ZNF737: variants seen among roughly 807,000 people sequenced by gnomAD.
ZNF737 encodes the protein zinc finger protein 102 (Y3).
In ZNF737, 13 loss-of-function variants were observed where a neutral mutation model predicts 11.7. That is an observed-to-expected ratio of 1.11 (90% CI 0.73 to 1.77). ZNF737 has a LOEUF of 1.77. Ranked by LOEUF, ZNF737 falls within the 40% of genes most tolerant of loss-of-function variation. The probability of loss-of-function intolerance (pLI) is 0.00; values close to 1 mark genes in which losing one functional copy is unlikely to be tolerated. For missense variants in ZNF737, 636 were observed against 638.0 expected (o/e 1.00, Z 0.03); for synonymous variants, 217 against 216.2 (o/e 1.00, Z -0.03).
intron 2 of ZNF737, among the ~76,000 whole-genome samples, chr19:20,553,385 A>G (rs182844824): frequency 1.6e-3 from 244 of 152,088 alleles, no homozygotes; most frequent in Non-Finnish European, 2.0e-3. Flanking sequence ...CACCTTCCCA[A>G]TTAGCTGGGA....
intron 1 of ZNF737, among the ~76,000 whole-genome samples, chr19:20,556,381 G>A (rs183757772): frequency 1.5e-4 from 23 of 149,420 alleles, no homozygotes; most frequent in Admixed American, 1.2e-3. Context: ...CCTAATGAGA[G>A]GCCTGGGCTG....
Position 20,544,134 on chromosome 19 carries a change from A to T in ZNF737, c.*458T>A. 1.0e-6 allele frequency: 1 copy of T among 1,003,084 alleles called. No individual in the cohort carries two copies. 62.1% of individuals were successfully genotyped at this position (1,003,084 alleles called of 1,614,324 possible). On this transcript the variant is annotated 3_prime_UTR_variant, in exon 4 of 4. Coordinates refer to ENST00000427401, the MANE Select transcript of ZNF737 (RefSeq NM_001159293.2). The stretch of plus-strand genomic sequence containing the variant: ...CAAGCATGAAACTTCATCTCAAAAA[A>T]AAAAATATTGAAAACTTGTTATAGG...
chr19:20,556,058 T>C (rs1312091444), intron 1 of ZNF737, among the ~76,000 whole-genome samples: 2 of 152,020 alleles, frequency 1.3e-5, no homozygotes, highest in African/African-American at 4.8e-5. Context: ...GATGAAAATA[T>C]AAGTTTCTCC....
chr19:20,543,059 G>A lies in ZNF737; in HGVS notation c.*1533C>T. On this transcript the variant is annotated 3_prime_UTR_variant, in exon 4 of 4. Coordinates refer to ENST00000427401, the MANE Select transcript of ZNF737 (RefSeq NM_001159293.2). ...TCTGATTTAGTGTAATGTCTGAAGTGTCGGGGCCTTAGTTATTCTACTGTA... is the reference window on the plus strand; with the variant it reads ...TCTGATTTAGTGTAATGTCTGAAGTATCGGGGCCTTAGTTATTCTACTGTA... 5 of 984,802 alleles carry A rather than the reference G, an allele frequency of 5.1e-6. No homozygotes were observed. Among genetic ancestry groups the A allele is most frequent in the Non-Finnish European group, 6.0e-6 (5 of 829,414 alleles). The allele number at this position is 984,802 out of a possible 1,614,324, so 61.0% of individuals were successfully genotyped here.
downstream of ZNF737, among the ~76,000 whole-genome samples, chr19:20,530,876 C>T (rs6511126): frequency 0.12 from 18,232 of 147,522 alleles, 1,883 homozygotes; most frequent in East Asian, 0.21. Context: ...CCAAGGCAGG[C>T]GGCTGGGAGG....
intron 3 of ZNF737, among the ~76,000 whole-genome samples, chr19:20,550,598 C>T (rs1379718243): frequency 6.6e-6 from 1 of 152,082 alleles, no homozygotes; most frequent in Non-Finnish European, 1.5e-5. Flanking sequence ...ACAAAAATAC[C>T]TTTATGAGAG....
At position 20,544,387 on chromosome 19, in the gene ZNF737, C is replaced by G; in HGVS notation, c.*205G>C. 7.1e-7 allele frequency: 1 copy of G among 1,409,124 alleles called. No individual in the cohort carries two copies. The highest frequency in any genetic ancestry group is 9.2e-7 in the Non-Finnish European group (1 of 1,085,968). 87.3% of individuals were successfully genotyped at this position (1,409,124 alleles called of 1,614,324 possible). ...CGAATTATCTTATGTCTAGTAAGGG[C>G]AGAGGTGTCCTTAAAGGCTTTGCTG... On this transcript the variant is annotated 3_prime_UTR_variant, in exon 4 of 4. Coordinates refer to ENST00000427401, the MANE Select transcript of ZNF737 (RefSeq NM_001159293.2).
At chr19:20,548,754 A>T (rs12985302) in intron 3 of ZNF737, among the ~76,000 whole-genome samples, 63,523 of 141,684 alleles carry the variant, frequency 0.45, 13,558 homozygotes, top group East Asian at 0.54. Context: ...TATTATTATT[A>T]TTTTTTATAG....
chr19:20,545,084 T>C lies in ZNF737; in HGVS notation c.1119A>G (p.Glu373=). The C allele has an allele frequency of 1.2e-6, 2 of 1,612,806 alleles. No individual in the cohort carries two copies. Among genetic ancestry groups the C allele is most frequent in the South Asian group, 1.1e-5 (1 of 90,858 alleles). ...AGGACCAGTTGAAGGCTTTGCCACA[T>C]TCTTCACATTTGTAGGGTTTCTCTC... ...HSGEKPYKCE[E]CGKAFNWSSH... The change falls in exon 4 of 4, where the codon GAA becomes GAG. Residue 373 remains glutamate, a synonymous_variant. Transcript: ENST00000427401.
At chr19:20,547,660 G>A (rs557237044) in intron 3 of ZNF737, among the ~76,000 whole-genome samples, 2 of 151,940 alleles carry the variant, frequency 1.3e-5, no homozygotes, top group African/African-American at 4.8e-5. Flanking sequence ...AAATACACAA[G>A]TGAGGAAAAG....
chr19:20,553,900 A>G, intron 1 of ZNF737, 65 bp from the exon 2 acceptor site: 1 of 1,573,544 alleles, frequency 6.4e-7, no homozygotes, highest in Non-Finnish European at 8.6e-7. Context: ...AATTTGACTT[A>G]AGTTCAAATG....
chr19:20,559,125 G>T (rs1182385558), intron 1 of ZNF737, among the ~76,000 whole-genome samples: 2 of 152,152 alleles, frequency 1.3e-5, no homozygotes, highest in Non-Finnish European at 2.9e-5. Context: ...AACTGGCAAA[G>T]AATTCATGAG....
In ZNF737 at chr19:20,539,618, TG is replaced by T. The variant is rs1968118190; in HGVS notation, c.*4973del. The T allele has an allele frequency of 1.0e-6, 1 of 960,676 alleles. No individual in the cohort carries two copies. Among genetic ancestry groups the T allele is most frequent in the Non-Finnish European group, 1.2e-6 (1 of 807,560 alleles). 59.5% of individuals were successfully genotyped at this position (960,676 alleles called of 1,614,324 possible). Reference sequence around the variant, plus strand: ...GATTCAAAAAATATTCATATTAATGTGTTTACAGTTTAATCTTGTATTACAG... The same window carrying T: ...GATTCAAAAAATATTCATATTAATGTTTTACAGTTTAATCTTGTATTACAG... On this transcript the variant is annotated 3_prime_UTR_variant, in exon 4 of 4. Coordinates refer to ENST00000427401, the MANE Select transcript of ZNF737 (RefSeq NM_001159293.2).
chr19:20,562,372 A>C (rs1969130762), intron 1 of ZNF737, among the ~76,000 whole-genome samples: 4 of 132,244 alleles, frequency 3.0e-5, no homozygotes, highest in Non-Finnish European at 4.7e-5. Flanking sequence ...ATGGAATTTC[A>C]CTCTTGTTGC....
chr19:20,563,639 C>A (rs563473238), intron 1 of ZNF737, among the ~76,000 whole-genome samples: 2 of 151,744 alleles, frequency 1.3e-5, no homozygotes, highest in African/African-American at 4.8e-5. Flanking sequence ...GCGTATGCCA[C>A]CACACCCGGC....
downstream of ZNF737, among the ~76,000 whole-genome samples, chr19:20,537,509 CTATTTT>C (rs1254066276): frequency 5.8e-4 from 34 of 58,472 alleles, no homozygotes; most frequent in African/African-American, 2.7e-3. Context: ...GCCTGGTTTT[CTATTTT>C]TTTTTTTTTT....
In ZNF737 at chr19:20,542,754, TATA is replaced by T. The variant is rs1285552883; in HGVS notation, c.*1835_*1837del. The T allele has an allele frequency of 1.7e-5, 17 of 984,778 alleles. No homozygotes were observed. Among genetic ancestry groups the T allele is most frequent in the Non-Finnish European group, 2.0e-5 (17 of 829,494 alleles). The allele number at this position is 984,778 out of a possible 1,614,324, so 61.0% of individuals were successfully genotyped here. On this transcript the variant is annotated 3_prime_UTR_variant, in exon 4 of 4. Coordinates refer to ENST00000427401, the MANE Select transcript of ZNF737 (RefSeq NM_001159293.2). ...TTACATTTTAATGTTCTTACTATTT[TATA>T]GAAAAAGTCATAATGTCCAAATAAT...
intron 1 of ZNF737, among the ~76,000 whole-genome samples, chr19:20,559,228 A>G (rs1968995125): frequency 6.6e-6 from 1 of 152,176 alleles, no homozygotes; most frequent in Admixed American, 6.5e-5. Flanking sequence ...GAAACTATCA[A>G]CAGAGGAAAA....
intron 1 of ZNF737, among the ~76,000 whole-genome samples, chr19:20,555,747 T>C (rs1442075131): frequency 2.0e-5 from 3 of 152,118 alleles, no homozygotes; most frequent in African/African-American, 7.2e-5. Context: ...TAAAGGTTTG[T>C]GAGTACTAAA....
Sources: gnomAD v4.1 joint callset for allele counts (sites outside exome capture counted in the v4.1 genomes callset) on GRCh38, gnomAD v4.1.1 for gene constraint, MANE v1.5 for transcripts, NCBI Gene and HGNC (gene_info 2026-07-23, HGNC 2026-07-21) for gene names.